The following S100A7A variants were observed in gnomAD, a reference collection of about 807,000 sequenced individuals.
The protein encoded by S100A7A is protein S100-A7A.
Under a neutral mutation model 4.0 loss-of-function variants are expected in S100A7A, and 5 were observed. The observed-to-expected ratio is 1.26, with a 90% CI of 0.66 to 2.66. The LOEUF is 2.66. S100A7A is among the 30% of genes most tolerant of loss of function. The pLI, the probability that S100A7A is intolerant of heterozygous loss-of-function variation, is 0.01. For missense variants in S100A7A, 159 were observed against 125.1 expected, an observed-to-expected ratio of 1.27 and a Z score of -1.29; for synonymous variants, 52 against 46.4, an observed-to-expected ratio of 1.12 and a Z score of -0.49.
intron 2 of S100A7A, among the ~76,000 whole-genome samples, chr1:153,418,837 T>G (rs1418186270): frequency 2.0e-5 from 3 of 152,140 alleles, no homozygotes; most frequent in African/African-American, 7.2e-5. Flanking sequence ...TGCCCTTAAA[T>G]GCTGGGAACA....
At chr1:153,417,909 T>G in intron 1 of S100A7A, 157 bp from the exon 2 acceptor site, 1 of 940,070 alleles carries the variant, frequency 1.1e-6, no homozygotes, top group Non-Finnish European at 1.5e-6. Flanking sequence ...ACCCTCTCAT[T>G]TTTGAACAAC....
rs1346996003 is a variant in S100A7A, at chr1:153,419,314, G to A, written c.*5G>A. 1 of 1,613,194 alleles carries A rather than the reference G, an allele frequency of 6.2e-7. No individual in the cohort carries two copies. The highest frequency in any genetic ancestry group is 8.5e-7 in the Non-Finnish European group (1 of 1,179,596). On this transcript the variant is annotated 3_prime_UTR_variant, in exon 3 of 3. Coordinates refer to ENST00000368729, the MANE Select transcript of S100A7A (RefSeq NM_176823.4). ...TGTTCTGGGGGAAGCCAGTGATCCAGCCCCACCAAGGGGCCTCCAGAGACC... is the reference window on the plus strand; with the variant it reads ...TGTTCTGGGGGAAGCCAGTGATCCAACCCCACCAAGGGGCCTCCAGAGACC...
rs769688385 is a variant in S100A7A at position 153,419,161 on chromosome 1, A to G, written c.158A>G (p.His53Arg). ...TCTTCACAGGACAAAAAGGGCATAC[A>G]TTACCTCGCCACTGTCTTTGAGAAA... is the stretch of plus-strand genomic sequence containing the variant. Reference protein sequence around the residue: ...FLSACDKKGIHYLATVFEKKD... With the variant: ...FLSACDKKGIRYLATVFEKKD... Residue 53 changes from histidine (H) to arginine (R), a missense_variant, in exon 3 of 3, where the codon CAT (histidine) becomes CGT (arginine). Transcript: ENST00000368729. 3 of 1,614,114 alleles carry G rather than the reference A, an allele frequency of 1.9e-6. No individual in the cohort carries two copies. Among genetic ancestry groups the G allele is most frequent in the Non-Finnish European group, 2.5e-6 (3 of 1,180,018 alleles).
At chr1:153,416,977 C>T (rs1662735187) in intron 1 of S100A7A, among the ~76,000 whole-genome samples, 2 of 152,260 alleles carry the variant, frequency 1.3e-5, no homozygotes, top group Non-Finnish European at 2.9e-5. Context: ...TCTCCAAACC[C>T]CCAGGCCTTG....
rs1051061471 is a variant in S100A7A, at chr1:153,422,904, A to G, written c.*3595A>G. 33 of 152,250 alleles carry G rather than the reference A, an allele frequency of 2.2e-4. No homozygotes were observed. The highest frequency in any genetic ancestry group is 7.5e-4 in the African/African-American group (31 of 41,468). The allele number at this position is 152,250 out of a possible 1,614,324, so 9.4% of individuals were successfully genotyped here. A position where few individuals can be genotyped will look rare whatever the true frequency, so the allele number is the denominator to read the frequency against. On this transcript the variant is annotated 3_prime_UTR_variant, in exon 3 of 3. Transcript: ENST00000368729. ...AGATTGTTTCTGGTTCCCTGCCACT[A>G]TAAAAACACCATGAGAGCATACTCA...
intron 2 of S100A7A, among the ~76,000 whole-genome samples, 172 bp downstream of exon 2, chr1:153,418,395 A>T (rs373397524): frequency 6.6e-5 from 10 of 152,184 alleles, no homozygotes; most frequent in African/African-American, 1.9e-4. Context: ...GTAGGCGAAA[A>T]AGTATGAAAA....
At chr1:153,418,969 G>A (rs569095300) in intron 2 of S100A7A, among the ~76,000 whole-genome samples, 176 bp from the exon 3 acceptor site, 1 of 152,110 alleles carries the variant, frequency 6.6e-6, no homozygotes, top group East Asian at 1.9e-4. Flanking sequence ...AGAACTCCAG[G>A]GATAACACTC....
Position 153,419,499 on chromosome 1 carries a change from A to G in S100A7A, c.*190A>G, listed in dbSNP as rs1366644247. On this transcript the variant is annotated 3_prime_UTR_variant, in exon 3 of 3. Transcript: ENST00000368729. ...ACCCAGGAGTAATGTCCCTCCAGCA[A>G]CGTTCCCCCTATGGCCTCCAGCAGA... 1 of 649,004 alleles carries G rather than the reference A, an allele frequency of 1.5e-6. No homozygotes were observed. The highest frequency in any genetic ancestry group is 2.7e-6 in the Non-Finnish European group (1 of 377,222). The allele number at this position is 649,004 out of a possible 1,614,324, so 40.2% of individuals were successfully genotyped here.
chr1:153,418,315 C>G lies in S100A7A; in HGVS notation c.141+92C>G, dbSNP rs1168828662. ...GTGGCCTTGGACAGGTCACCCTCAT[C>G]CTCTGATTAAAAAGTTTCCCATTTG... On this transcript the variant is annotated intron_variant, in intron 2 of 2. Transcript: ENST00000368729. 2.0e-6 allele frequency: 3 copies of G among 1,526,482 alleles called. No individual in the cohort carries two copies. The African/African-American group carries it at 4.1e-5, about 21-fold the overall frequency. 94.6% of individuals were successfully genotyped at this position (1,526,482 alleles called of 1,614,324 possible). A position where few individuals can be genotyped will look rare whatever the true frequency, so the allele number is the denominator to read the frequency against.
Position 153,419,704 on chromosome 1 carries a change from G to T in S100A7A, c.*395G>T, listed in dbSNP as rs1341889845. On this transcript the variant is annotated 3_prime_UTR_variant, in exon 3 of 3. Coordinates refer to ENST00000368729, the MANE Select transcript of S100A7A (RefSeq NM_176823.4). ...CACATTCAGATACTGCACTGAGAAG[G>T]AGCTGGCATCTCTCAGTGTGCTCCT... 5.7e-6 allele frequency: 1 copy of T among 174,706 alleles called. No individual in the cohort carries two copies. Among genetic ancestry groups the T allele is most frequent in the East Asian group, 1.5e-4 (1 of 6,552 alleles). 10.8% of individuals were successfully genotyped at this position (174,706 alleles called of 1,614,324 possible). A position where few individuals can be genotyped will look rare whatever the true frequency, so the allele number is the denominator to read the frequency against.
At position 153,418,144 on chromosome 1, in the gene S100A7A, C is replaced by T. The variant is rs762608171; in HGVS notation, c.62C>T (p.Thr21Ile). 3.7e-6 allele frequency: 6 copies of T among 1,613,956 alleles called. No individual in the cohort carries two copies. Among genetic ancestry groups the T allele is most frequent in the Non-Finnish European group, 4.2e-6 (5 of 1,179,972 alleles). Residue 21 changes from threonine (T) to isoleucine (I), a missense_variant, in exon 2 of 3, where the codon ACC becomes ATC. Coordinates refer to ENST00000368729, the MANE Select transcript of S100A7A (RefSeq NM_176823.4). ...ATGATCGACATGTTTCACAAATACACCGGACGTGATGGCAAGATTGAGAAG... is the reference window on the plus strand; with the variant it reads ...ATGATCGACATGTTTCACAAATACATCGGACGTGATGGCAAGATTGAGAAG... ...IGMIDMFHKY[T>I]GRDGKIEKPS...
In S100A7A at chr1:153,419,325, G is replaced by A. The variant is rs1198225971; in HGVS notation, c.*16G>A. 1 of 1,610,130 alleles carries A rather than the reference G, an allele frequency of 6.2e-7. No homozygotes were observed. Among genetic ancestry groups the A allele is most frequent in the South Asian group, 1.1e-5 (1 of 90,454 alleles). On this transcript the variant is annotated 3_prime_UTR_variant, in exon 3 of 3. Transcript: ENST00000368729. ...AAGCCAGTGATCCAGCCCCACCAAG[G>A]GGCCTCCAGAGACCCCAGGAACAAT...
chr1:153,417,437 T>C (rs901266777), intron 1 of S100A7A, among the ~76,000 whole-genome samples: 5 of 152,046 alleles, frequency 3.3e-5, no homozygotes, highest in East Asian at 1.9e-4. Context: ...GAGGCAATTC[T>C]TGTTTCTCAT....
Position 153,418,096 on chromosome 1 carries a change from A to G in S100A7A, c.14A>G (p.Gln5Arg). Residue 5 changes from glutamine to arginine, a missense_variant, in exon 2 of 3, where the codon CAA becomes CGA. Physicochemically the swap from Gln to Arg is conservative, Grantham distance 43. Transcript: ENST00000368729. ...TTGAAAGCAAAGATGAGCAACACTCAAGCTGAGAGGTCCATAATAGGCATG... is the reference window on the plus strand; with the variant it reads ...TTGAAAGCAAAGATGAGCAACACTCGAGCTGAGAGGTCCATAATAGGCATG... MSNT[Q>R]AERSIIGMID... 1.9e-6 allele frequency: 3 copies of G among 1,614,166 alleles called. No homozygotes were observed. The highest frequency in any genetic ancestry group is 2.5e-6 in the Non-Finnish European group (3 of 1,180,010).
At chr1:153,416,826 C>T (rs1662728473) in intron 1 of S100A7A, among the ~76,000 whole-genome samples, 1 of 152,252 alleles carries the variant, frequency 6.6e-6, no homozygotes, top group Non-Finnish European at 1.5e-5. Flanking sequence ...GGGACCTGAG[C>T]ACAGGACCCT....
Position 153,422,499 on chromosome 1 carries a change from G to T in S100A7A, c.*3190G>T. On this transcript the variant is annotated 3_prime_UTR_variant, in exon 3 of 3. Coordinates refer to ENST00000368729, the MANE Select transcript of S100A7A (RefSeq NM_176823.4). Reference sequence around the variant, plus strand: ...TACTAAAGAGAAAGAATACTTGACAGCTCTATGCCCACACTCACATTACAG... The same window carrying T: ...TACTAAAGAGAAAGAATACTTGACATCTCTATGCCCACACTCACATTACAG... 1 of 984,470 alleles carries T rather than the reference G, an allele frequency of 1.0e-6. No individual in the cohort carries two copies. The highest frequency in any genetic ancestry group is 1.2e-6 in the Non-Finnish European group (1 of 829,042). The allele number at this position is 984,470 out of a possible 1,614,324, so 61.0% of individuals were successfully genotyped here. A position where few individuals can be genotyped will look rare whatever the true frequency, so the allele number is the denominator to read the frequency against.
chr1:153,417,226 T>A (rs1662745449), intron 1 of S100A7A: 1 of 152,292 alleles, frequency 6.6e-6, no homozygotes, highest in Admixed American at 6.5e-5. Flanking sequence ...TTTTCAGGCT[T>A]GGGGTGCAGG....
chr1:153,419,170 C>A lies in S100A7A; in HGVS notation c.167C>A (p.Ala56Asp), dbSNP rs762855240. 4.3e-6 allele frequency: 7 copies of A among 1,614,166 alleles called. No individual in the cohort carries two copies. Among genetic ancestry groups the A allele is most frequent in the Non-Finnish European group, 5.9e-6 (7 of 1,180,018 alleles). ...ACDKKGIHYL[A>D]TVFEKKDKNE... ...GACAAAAAGGGCATACATTACCTCG[C>A]CACTGTCTTTGAGAAAAAGGACAAG... Residue 56 changes from alanine to aspartate, a missense_variant, in exon 3 of 3, where the codon GCC (alanine) becomes GAC (aspartate). Physicochemically the swap from Ala to Asp is moderately radical, Grantham distance 126. Coordinates refer to ENST00000368729, the MANE Select transcript of S100A7A (RefSeq NM_176823.4).
At chr1:153,417,861 GC>G in intron 1 of S100A7A, 1 of 561,388 alleles carries the variant, frequency 1.8e-6, no homozygotes, top group Non-Finnish European at 3.1e-6. Flanking sequence ...TCTCTTCTTG[GC>G]CCTGGCCAGG....
Sources: gnomAD v4.1 joint callset for allele counts (sites outside exome capture counted in the v4.1 genomes callset) on GRCh38, gnomAD v4.1.1 for gene constraint, MANE v1.5 for transcripts, NCBI Gene and HGNC (gene_info 2026-07-23, HGNC 2026-07-21) for gene names.